Variants in LONRF2 observed in about 807,000 individuals in gnomAD.
LONRF2 encodes the protein LON peptidase N-terminal domain and ring finger 2.
Under a neutral mutation model 66.6 loss-of-function variants are expected in LONRF2, and 35 were observed. The ratio of observed to expected loss-of-function variants is 0.53; its 90% CI spans 0.40 to 0.70. The LOEUF is 0.70. LONRF2 is among the 30% of genes least tolerant of loss of function. The probability of loss-of-function intolerance (pLI) is 0.00; values close to 1 mark genes in which losing one functional copy is unlikely to be tolerated. For synonymous variants in LONRF2, 417 were observed against 418.1 expected, an observed-to-expected ratio of 1.00 and a Z score of 0.03; for missense variants, 902 against 1,002.1, an observed-to-expected ratio of 0.90 and a Z score of 1.35.
At chr2:100,299,952 T>C (rs1487193780) in intron 4 of LONRF2, 34 bp from the exon 5 acceptor site, 2 of 1,292,940 alleles carry the variant, frequency 1.5e-6, no homozygotes, top group East Asian at 3.5e-5. Context: ...ATCCTGAGTA[T>C]TAAAGAAATC....
chr2:100,313,672 G>C (rs11123825), intron 1 of LONRF2, among the ~76,000 whole-genome samples: 1 of 151,932 alleles, frequency 6.6e-6, no homozygotes. Flanking sequence ...ACCTTTGCAT[G>C]TGTACCCGTG....
At chr2:100,320,381 T>C (rs931135787) in intron 1 of LONRF2, among the ~76,000 whole-genome samples, 3 of 152,196 alleles carry the variant, frequency 2.0e-5, no homozygotes, top group African/African-American at 7.2e-5. Flanking sequence ...AGTGCTCTAT[T>C]CCAGCAGAGA....
At position 100,275,888 on chromosome 2, in the gene LONRF2, T is replaced by G. The variant is rs1478270364; in HGVS notation, c.*8410A>C. 3 of 152,190 alleles carry G rather than the reference T, an allele frequency of 2.0e-5. No individual in the cohort carries two copies. The highest frequency in any genetic ancestry group is 4.4e-5 in the Non-Finnish European group (3 of 68,032). 9.4% of individuals were successfully genotyped at this position (152,190 alleles called of 1,614,324 possible). A position where few individuals can be genotyped will look rare whatever the true frequency, so the allele number is the denominator to read the frequency against. ...CAAGGGAAAAAACATTAAAGGTAAC[T>G]AAATAGACTGTGTATTTATGCGTGT... On this transcript the variant is annotated 3_prime_UTR_variant, in exon 12 of 12. Coordinates refer to ENST00000393437, the MANE Select transcript of LONRF2 (RefSeq NM_198461.4).
At chr2:100,286,137 AG>A (rs1489480617) in intron 11 of LONRF2, among the ~76,000 whole-genome samples, 2 of 152,188 alleles carry the variant, frequency 1.3e-5, no homozygotes, top group Admixed American at 6.5e-5. Flanking sequence ...GAATTCAGGC[AG>A]GGGGTAAAAG....
chr2:100,318,597 C>T (rs549648430), intron 1 of LONRF2, among the ~76,000 whole-genome samples: 6 of 152,070 alleles, frequency 3.9e-5, no homozygotes, highest in South Asian at 2.1e-4. Flanking sequence ...GAGGCTGAGG[C>T]GGGCAGATCA....
In LONRF2 at chr2:100,322,231, G is replaced by A; in HGVS notation, c.-138C>T. 2 of 897,430 alleles carry A rather than the reference G, an allele frequency of 2.2e-6. No homozygotes were observed. Among genetic ancestry groups the A allele is most frequent in the Non-Finnish European group, 2.9e-6 (2 of 696,384 alleles). 55.6% of individuals were successfully genotyped at this position (897,430 alleles called of 1,614,324 possible). A position where few individuals can be genotyped will look rare whatever the true frequency, so the allele number is the denominator to read the frequency against. On this transcript the variant is annotated 5_prime_UTR_variant, in exon 1 of 12. Coordinates refer to ENST00000393437, the MANE Select transcript of LONRF2 (RefSeq NM_198461.4). ...CGCGCGTCTGGGGGCGGCGCGCTGC[G>A]AGCGGCTGAGACCGCGGGCGGGGGC...
chr2:100,297,278 G>A (rs10201669), intron 7 of LONRF2, among the ~76,000 whole-genome samples: 44,429 of 151,230 alleles, frequency 0.29, 7,773 homozygotes, highest in East Asian at 0.46. Context: ...ACAGGTGCCC[G>A]CCACCATACC....
intron 5 of LONRF2, 120 bp from the exon 6 acceptor site, chr2:100,299,439 C>A: frequency 3.2e-6 from 2 of 625,808 alleles, no homozygotes; most frequent in Non-Finnish European, 5.4e-6. Context: ...TCACACTGGG[C>A]AGAAATAGTT....
Position 100,284,399 on chromosome 2 carries a change from G to A in LONRF2, c.2164C>T (p.Leu722Phe). Residue 722 changes from leucine to phenylalanine, a missense_variant, in exon 12 of 12, where the codon CTC becomes TTC. Coordinates refer to ENST00000393437, the MANE Select transcript of LONRF2 (RefSeq NM_198461.4). Reference sequence around the variant, plus strand: ...CGGATGGCAAGGAGCCGCTCTTTGAGCGAGGTCATGCCGAGGATGGCCAGC... The same window carrying A: ...CGGATGGCAAGGAGCCGCTCTTTGAACGAGGTCATGCCGAGGATGGCCAGC... ...AQLAILGMTSLKERLLAIRRI... is the reference protein window; with the variant it reads ...AQLAILGMTSFKERLLAIRRI... The A allele has an allele frequency of 6.2e-7, 1 of 1,603,604 alleles. No homozygotes were observed. Among genetic ancestry groups the A allele is most frequent in the Non-Finnish European group, 8.5e-7 (1 of 1,175,236 alleles).
rs1005737332 is a variant in LONRF2, at chr2:100,276,110, A to C, written c.*8188T>G. ...TATATACTAATATTACAAATAAATA[A>C]GATGTATATACTGAAACATTTAACC... is the stretch of plus-strand genomic sequence containing the variant. On this transcript the variant is annotated 3_prime_UTR_variant, in exon 12 of 12. Coordinates refer to ENST00000393437, the MANE Select transcript of LONRF2 (RefSeq NM_198461.4). 2.0e-5 allele frequency: 3 copies of C among 152,234 alleles called. No individual in the cohort carries two copies. The highest frequency in any genetic ancestry group is 7.2e-5 in the African/African-American group (3 of 41,456). The allele number at this position is 152,234 out of a possible 1,614,324, so 9.4% of individuals were successfully genotyped here.
chr2:100,312,295 C>T (rs1675425566), intron 1 of LONRF2, among the ~76,000 whole-genome samples: 1 of 152,104 alleles, frequency 6.6e-6, no homozygotes, highest in African/African-American at 2.4e-5. Flanking sequence ...CCTTTTATAT[C>T]CGCAATGATG....
chr2:100,296,834 G>C (rs1158892574), intron 7 of LONRF2, among the ~76,000 whole-genome samples: 2 of 152,122 alleles, frequency 1.3e-5, no homozygotes, highest in Admixed American at 1.3e-4. Flanking sequence ...GCTAGCCAAG[G>C]GTTCTGGAGA....
At position 100,278,101 on chromosome 2, in the gene LONRF2, C is replaced by G. The variant is rs1674636690; in HGVS notation, c.*6197G>C. ...CACACAATGGTCTCCTCAAACAACT[C>G]CATTTCAAATTCTGGTCTGCAAACA... On this transcript the variant is annotated 3_prime_UTR_variant, in exon 12 of 12. Transcript: ENST00000393437. 1 of 152,168 alleles carries G rather than the reference C, an allele frequency of 6.6e-6. No individual in the cohort carries two copies. The highest frequency in any genetic ancestry group is 1.5e-5 in the Non-Finnish European group (1 of 68,034). The allele number at this position is 152,168 out of a possible 1,614,324, so 9.4% of individuals were successfully genotyped here. A position where few individuals can be genotyped will look rare whatever the true frequency, so the allele number is the denominator to read the frequency against.
chr2:100,291,278 A>C (rs966103496), intron 9 of LONRF2, among the ~76,000 whole-genome samples: 6 of 152,126 alleles, frequency 3.9e-5, no homozygotes, highest in African/African-American at 1.4e-4. Context: ...CACACACAGG[A>C]TCCTGTCCAC....
intron 1 of LONRF2, among the ~76,000 whole-genome samples, chr2:100,317,288 CT>C (rs563831751): frequency 6.6e-6 from 1 of 151,966 alleles, no homozygotes; most frequent in East Asian, 1.9e-4. Flanking sequence ...TCCACTATAG[CT>C]TTTTTTTAAT....
chr2:100,290,252 C>A lies in LONRF2; in HGVS notation c.1920+6G>T. ...CTATAAAATACACCAGTATGATAAG[C>A]CTTACCTTTTCATCTTCAAGATATT... is the stretch of plus-strand genomic sequence containing the variant. On this transcript the variant is annotated splice_donor_region_variant and intron_variant, in intron 10 of 11. Coordinates refer to ENST00000393437, the MANE Select transcript of LONRF2 (RefSeq NM_198461.4). 1.9e-6 allele frequency: 3 copies of A among 1,610,862 alleles called. No homozygotes were observed. The highest frequency in any genetic ancestry group is 2.5e-6 in the Non-Finnish European group (3 of 1,178,544).
At chr2:100,315,834 C>T (rs539750090) in intron 1 of LONRF2, among the ~76,000 whole-genome samples, 2 of 152,100 alleles carry the variant, frequency 1.3e-5, no homozygotes, top group East Asian at 3.9e-4. Context: ...CCTTTATTTC[C>T]TTCTTTGTAC....
At chr2:100,309,807 G>A (rs189750936) in intron 1 of LONRF2, among the ~76,000 whole-genome samples, 2,010 of 152,138 alleles carry the variant, frequency 0.013, 12 homozygotes, top group Middle Eastern at 0.027. Flanking sequence ...CCAGTAGCTG[G>A]GATTACAGGT....
Position 100,321,544 on chromosome 2 carries a change from T to C in LONRF2, c.550A>G (p.Ser184Gly). Residue 184 changes from serine to glycine, a missense_variant, in exon 1 of 12, where the codon AGC becomes GGC. Around this residue, in one of 2 missense-constraint regions of LONRF2, gnomAD observed 585 missense variants for 569.9 expected, o/e 1.03. Coordinates refer to ENST00000393437, the MANE Select transcript of LONRF2 (RefSeq NM_198461.4). ...PQVRRVNVVL[S>G]GLLEKCFPAE... ...GGGAAGCACTTCTCCAGCAGGCCGC[T>C]CAGCACCACGTTCACGCGCCGCACC... 3 of 1,550,136 alleles carry C rather than the reference T, an allele frequency of 1.9e-6. No homozygotes were observed. The highest frequency in any genetic ancestry group is 2.6e-6 in the Non-Finnish European group (3 of 1,160,168).
Sources: allele counts gnomAD v4.1 joint callset (sites outside exome capture counted in the v4.1 genomes callset), GRCh38; gene constraint gnomAD v4.1.1; regional missense constraint gnomAD v4.1.1; transcripts MANE v1.5; gene names NCBI Gene and HGNC (gene_info 2026-07-23, HGNC 2026-07-21).